BCAT1: variants seen among roughly 807,000 people sequenced by gnomAD.
BCAT1 encodes the protein branched-chain-amino-acid aminotransferase, cytosolic.
A neutral mutation model predicts 52.4 loss-of-function variants in BCAT1; 48 were observed. The observed-to-expected ratio is 0.92, with a 90% CI of 0.73 to 1.16. The LOEUF is 1.16. Ranked by LOEUF, BCAT1 falls within the 50% of genes most tolerant of loss-of-function variation. The pLI, the probability that BCAT1 is intolerant of heterozygous loss-of-function variation, is 0.00. For missense variants in BCAT1, 451 were observed against 457.1 expected (o/e 0.99, Z 0.12); for synonymous variants, 167 against 161.3 (o/e 1.04, Z -0.27).
At chr12:24,906,748 G>A (rs935391928) in intron 1 of BCAT1, among the ~76,000 whole-genome samples, 3 of 152,192 alleles carry the variant, frequency 2.0e-5, no homozygotes, top group African/African-American at 7.2e-5. Flanking sequence ...AGTTGCTCTA[G>A]TAGAAACATA....
intron 3 of BCAT1, among the ~76,000 whole-genome samples, chr12:24,891,498 T>C (rs903486433): frequency 1.2e-4 from 18 of 152,178 alleles, no homozygotes; most frequent in African/African-American, 3.9e-4. Context: ...AATTTTAAAA[T>C]GACGCTTGTA....
intron 3 of BCAT1, among the ~76,000 whole-genome samples, chr12:24,887,314 C>T (rs1390033717): frequency 6.6e-6 from 1 of 151,740 alleles, no homozygotes; most frequent in Non-Finnish European, 1.5e-5. Flanking sequence ...TCTGTCTATA[C>T]TTAGGTCCCA....
At chr12:24,836,908 GAGAAAGAA>G (rs201215375) in intron 7 of BCAT1, among the ~76,000 whole-genome samples, 5,095 of 40,722 alleles carry the variant, frequency 0.13, 383 homozygotes, top group East Asian at 0.14. Flanking sequence ...AAAAGAAAGA[GAGAAAGAA>G]AGAAAGAAAG....
At chr12:24,866,919 C>T (rs1057304337) in intron 5 of BCAT1, among the ~76,000 whole-genome samples, 5 of 152,178 alleles carry the variant, frequency 3.3e-5, no homozygotes, top group African/African-American at 1.2e-4. Flanking sequence ...CCCTTCCATA[C>T]TGTGGAAGCT....
intron 1 of BCAT1, among the ~76,000 whole-genome samples, chr12:24,926,093 C>T (rs1345802826): frequency 2.6e-5 from 4 of 152,166 alleles, no homozygotes; most frequent in African/African-American, 7.2e-5. Context: ...GCTGCCCAGT[C>T]TGGGAAGTGA....
intron 2 of BCAT1, among the ~76,000 whole-genome samples, chr12:24,894,752 C>CA (rs1942922191): frequency 1.3e-5 from 2 of 152,032 alleles, no homozygotes; most frequent in South Asian, 4.2e-4. Flanking sequence ...TAAGATGATG[C>CA]AAAAAAAGAA....
chr12:24,888,847 T>C (rs1942757858), intron 3 of BCAT1, among the ~76,000 whole-genome samples: 1 of 152,218 alleles, frequency 6.6e-6, no homozygotes, highest in Non-Finnish European at 1.5e-5. Flanking sequence ...AAAATCAAGC[T>C]GCAGACATAG....
chr12:24,853,279 G>A (rs1193319503), intron 5 of BCAT1, among the ~76,000 whole-genome samples: 2 of 152,158 alleles, frequency 1.3e-5, no homozygotes, highest in Admixed American at 1.3e-4. Context: ...AAAAAAGAAT[G>A]AACTCATGTC....
At chr12:24,853,787 G>A (rs1941584821) in intron 5 of BCAT1, among the ~76,000 whole-genome samples, 2 of 152,022 alleles carry the variant, frequency 1.3e-5, no homozygotes, top group Non-Finnish European at 2.9e-5. Flanking sequence ...AGTCAATTTC[G>A]ATGAGTCACA....
intron 5 of BCAT1, among the ~76,000 whole-genome samples, chr12:24,867,346 T>C (rs1225070957): frequency 6.6e-6 from 1 of 151,888 alleles, no homozygotes; most frequent in Non-Finnish European, 1.5e-5. Context: ...TCTTTTTTTT[T>C]TTTTTTTTTT....
chr12:24,894,165 G>A, intron 3 of BCAT1, 110 bp downstream of exon 3: 1 of 1,048,470 alleles, frequency 9.5e-7, no homozygotes, highest in East Asian at 2.7e-5. Flanking sequence ...GCTTCCTCTG[G>A]TAAATATGAT....
At chr12:24,941,410 T>C (rs1398853742) in intron 1 of BCAT1, among the ~76,000 whole-genome samples, 1 of 152,248 alleles carries the variant, frequency 6.6e-6, no homozygotes, top group Non-Finnish European at 1.5e-5. Context: ...TGTGTTTTTA[T>C]AATCCTCTGT....
At position 24,810,953 on chromosome 12, in the gene BCAT1, T is replaced by G. The variant is rs1939659781; in HGVS notation, c.*7055A>C. The G allele has an allele frequency of 6.6e-6, 1 of 152,178 alleles. No homozygotes were observed. Among genetic ancestry groups the G allele is most frequent in the Non-Finnish European group, 1.5e-5 (1 of 68,010 alleles). The allele number at this position is 152,178 out of a possible 1,614,324, so 9.4% of individuals were successfully genotyped here. ...AGGCCTTTTACTTTTTAAAGTGTCTTTTATTCTAAAGCTAGTTAACCACAT... is the reference window on the plus strand; with the variant it reads ...AGGCCTTTTACTTTTTAAAGTGTCTGTTATTCTAAAGCTAGTTAACCACAT... On this transcript the variant is annotated 3_prime_UTR_variant, in exon 11 of 11. Coordinates refer to ENST00000261192, the MANE Select transcript of BCAT1 (RefSeq NM_005504.7).
intron 1 of BCAT1, chr12:24,902,820 G>A (rs1294695675): frequency 2.3e-6 from 3 of 1,322,728 alleles, no homozygotes; most frequent in African/African-American, 1.6e-5. Context: ...CGCTGGAGGC[G>A]GAATGGAGGG....
At chr12:24,854,573 AC>A in intron 5 of BCAT1, among the ~76,000 whole-genome samples, 1 of 152,182 alleles carries the variant, frequency 6.6e-6, no homozygotes, top group Non-Finnish European at 1.5e-5. Flanking sequence ...AAGCGAGGGC[AC>A]TGAATTCATA....
intron 10 of BCAT1, among the ~76,000 whole-genome samples, chr12:24,818,826 G>A (rs1244323418): frequency 1.3e-5 from 2 of 152,106 alleles, no homozygotes; most frequent in African/African-American, 4.8e-5. Flanking sequence ...ATGAAATAGA[G>A]ATATTCCATA....
At chr12:24,925,453 T>C (rs561132137) in intron 1 of BCAT1, among the ~76,000 whole-genome samples, 1 of 152,156 alleles carries the variant, frequency 6.6e-6, no homozygotes, top group East Asian at 1.9e-4. Flanking sequence ...AGATTATAGA[T>C]ATAGATATAG....
In BCAT1 at chr12:24,814,798, G is replaced by GTTTTTTTTTTT; in HGVS notation, c.*3209_*3210insAAAAAAAAAAA. The GTTTTTTTTTTT allele has an allele frequency of 2.2e-5, 1 of 46,140 alleles. No individual in the cohort carries two copies. The highest frequency in any genetic ancestry group is 4.8e-5 in the Non-Finnish European group (1 of 20,966). The allele number at this position is 46,140 out of a possible 1,614,324, so 2.9% of individuals were successfully genotyped here. A position where few individuals can be genotyped will look rare whatever the true frequency, so the allele number is the denominator to read the frequency against. On this transcript the variant is annotated 3_prime_UTR_variant, in exon 11 of 11. Transcript: ENST00000261192. ...CTTGCTACTGCCTGCCTCTGCCTCT[G>GTTTTTTTTTTT]TTTGTTTTTTTTTTTTTTTTTTGTC...
intron 5 of BCAT1, among the ~76,000 whole-genome samples, chr12:24,867,257 T>C (rs1274436276): frequency 3.9e-5 from 6 of 151,988 alleles, no homozygotes; most frequent in Non-Finnish European, 8.8e-5. Flanking sequence ...CGAGGGTCCA[T>C]GGCTTCATTC....
Sources: allele counts gnomAD v4.1 joint callset (sites outside exome capture counted in the v4.1 genomes callset), GRCh38; gene constraint gnomAD v4.1.1; transcripts MANE v1.5; gene names NCBI Gene and HGNC (gene_info 2026-07-23, HGNC 2026-07-21).